GCSAML: variants seen among roughly 807,000 people sequenced by gnomAD.
The protein encoded by GCSAML is germinal center-associated signaling and motility-like protein.
In GCSAML, 9 loss-of-function variants were observed where a neutral mutation model predicts 13.0. That is an observed-to-expected ratio of 0.69 (90% CI 0.42 to 1.21). GCSAML has a LOEUF of 1.21. GCSAML is among the 50% of genes most tolerant of loss of function. GCSAML has a pLI of 0.00. For missense variants in GCSAML, 143 were observed against 153.4 expected (o/e 0.93, Z 0.36); for synonymous variants, 37 against 52.9 (o/e 0.70, Z 1.31).
chr1:247,572,710 C>T (rs760967843), intron 4 of GCSAML, among the ~76,000 whole-genome samples: 5 of 152,234 alleles, frequency 3.3e-5, no homozygotes, highest in Non-Finnish European at 5.9e-5. Flanking sequence ...GGCCATCTTT[C>T]CCTTAGCAGT....
At chr1:247,574,093 T>C in intron 4 of GCSAML, 50 bp from the exon 5 acceptor site, 1 of 1,603,328 alleles carries the variant, frequency 6.2e-7, no homozygotes, top group Non-Finnish European at 8.5e-7. Flanking sequence ...CTGAGTTCAA[T>C]TTATGAATGA....
At chr1:247,569,438 G>T (rs1178347648) in intron 4 of GCSAML, among the ~76,000 whole-genome samples, 2 of 152,066 alleles carry the variant, frequency 1.3e-5, no homozygotes, top group African/African-American at 2.4e-5. Flanking sequence ...TTTATCGAAG[G>T]CCTTTTCTGC....
At chr1:247,563,696 A>G in intron 3 of GCSAML, 57 bp downstream of exon 3, 1 of 956,794 alleles carries the variant, frequency 1.0e-6, no homozygotes, top group Non-Finnish European at 1.7e-6. Flanking sequence ...TTAAGCATCC[A>G]ATTAGCAGAC....
At chr1:247,520,396 T>C (rs1162976722) in intron 1 of GCSAML, among the ~76,000 whole-genome samples, 2 of 152,216 alleles carry the variant, frequency 1.3e-5, no homozygotes, top group Admixed American at 1.3e-4. Flanking sequence ...GGAGGAGTTC[T>C]TACATCTGCT....
At chr1:247,523,941 G>C (rs1036159703) in intron 1 of GCSAML, among the ~76,000 whole-genome samples, 1 of 151,536 alleles carries the variant, frequency 6.6e-6, no homozygotes, top group Admixed American at 6.6e-5. Context: ...AATACAGCTA[G>C]CGAAATAAAT....
chr1:247,573,406 G>A (rs769271700), intron 4 of GCSAML, among the ~76,000 whole-genome samples: 1 of 152,162 alleles, frequency 6.6e-6, no homozygotes, highest in African/African-American at 2.4e-5. Flanking sequence ...TGTCCCTCAA[G>A]GTATGGTCCT....
Position 247,577,456 on chromosome 1 carries a change from C to A in GCSAML, c.*3074C>A, listed in dbSNP as rs367998225. The A allele has an allele frequency of 4.6e-5, 7 of 152,146 alleles. No homozygotes were observed. Among genetic ancestry groups the A allele is most frequent in the Non-Finnish European group, 1.0e-4 (7 of 68,030 alleles). The allele number at this position is 152,146 out of a possible 1,614,324, so 9.4% of individuals were successfully genotyped here. A position where few individuals can be genotyped will look rare whatever the true frequency, so the allele number is the denominator to read the frequency against. On this transcript the variant is annotated 3_prime_UTR_variant, in exon 5 of 5. Transcript: ENST00000366488. ...TGTTCTAGATATTTGTAGCAATGTACCCTTTCCATATTTATTTTGTGTGTG... is the reference window on the plus strand; with the variant it reads ...TGTTCTAGATATTTGTAGCAATGTAACCTTTCCATATTTATTTTGTGTGTG...
intron 1 of GCSAML, among the ~76,000 whole-genome samples, chr1:247,522,850 ACTATTGTC>A (rs1666504256): frequency 6.7e-6 from 1 of 150,178 alleles, no homozygotes; most frequent in African/African-American, 2.5e-5. Context: ...CCTTCCCTCC[ACTATTGTC>A]CTATGACCCT....
chr1:247,556,896 C>T (rs1667973486), intron 2 of GCSAML, among the ~76,000 whole-genome samples: 1 of 152,154 alleles, frequency 6.6e-6, no homozygotes, highest in Non-Finnish European at 1.5e-5. Flanking sequence ...CCAGGGCCTA[C>T]AGTTCCATAA....
In GCSAML at chr1:247,527,952, A is replaced by C. The variant is rs895735517; in HGVS notation, c.-148+898A>C. The C allele has an allele frequency of 1.3e-5, 2 of 151,978 alleles. No homozygotes were observed. The highest frequency in any genetic ancestry group is 4.8e-5 in the African/African-American group (2 of 41,342). 9.4% of individuals were successfully genotyped at this position (151,978 alleles called of 1,614,324 possible). A position where few individuals can be genotyped will look rare whatever the true frequency, so the allele number is the denominator to read the frequency against. On this transcript the variant is annotated intron_variant, in intron 2 of 5. Coordinates refer to the GCSAML transcript ENST00000366489. This position sits in a 1 kb window ranked among gnomAD's most constrained non-coding sequence, Gnocchi z 4.6. ...TGTTCTACTTATTTCTATGAGATCA[A>C]CCCTTTTTTAGCTTTCACAGATGAA...
At position 247,534,188 on chromosome 1, in the gene GCSAML, T is replaced by C. The variant is rs1310099306; in HGVS notation, c.-148+7134T>C. Among the ~76,000 whole-genome samples the C allele has an allele frequency of 2.6e-5, 4 of 152,350 alleles. No individual in the cohort carries two copies. The East Asian group carries it at 7.7e-4, about 29-fold the overall frequency. ...AACAAATAAACTACTCTTATTTCTT[T>C]TGTTTGCTACCCGTCTCGCTCCACT... On this transcript the variant is annotated intron_variant, in intron 2 of 5. Coordinates refer to the GCSAML transcript ENST00000366489.
intron 1 of GCSAML, among the ~76,000 whole-genome samples, chr1:247,523,265 A>G (rs1414258316): frequency 1.3e-5 from 2 of 152,144 alleles, no homozygotes; most frequent in Non-Finnish European, 2.9e-5. Context: ...AAAACTGGAA[A>G]TCTTTCCTGA....
intron 4 of GCSAML, among the ~76,000 whole-genome samples, chr1:247,571,080 G>A (rs886100015): frequency 1.3e-5 from 2 of 151,970 alleles, no homozygotes; most frequent in African/African-American, 2.4e-5. Context: ...CCTTTATTTT[G>A]AGTGTATGTG....
rs763355322 is a variant in GCSAML, at chr1:247,531,548, T to C, written c.-148+4494T>C. On this transcript the variant is annotated intron_variant, in intron 2 of 5. Transcript: ENST00000366489. ...TTCCTTCTCAGAAGGCACTGGAGTC[T>C]CTAAATTTGCGCCAGCTTGCCTGCA... is the stretch of plus-strand genomic sequence containing the variant. 15 of 1,612,674 alleles carry C rather than the reference T, an allele frequency of 9.3e-6. No individual in the cohort carries two copies. The Admixed American group carries it at 2.0e-4, about 22-fold the overall frequency.
chr1:247,510,452 C>T (rs1266604181), intron 1 of GCSAML, among the ~76,000 whole-genome samples: 1 of 152,068 alleles, frequency 6.6e-6, no homozygotes, highest in African/African-American at 2.4e-5. Context: ...TTTTCAAAAA[C>T]CAGCTCCTGG....
chr1:247,531,736 A>G lies in GCSAML; in HGVS notation c.-148+4682A>G, dbSNP rs770566998. 1.4e-5 allele frequency: 22 copies of G among 1,614,212 alleles called. No individual in the cohort carries two copies. Among genetic ancestry groups the G allele is most frequent in the Middle Eastern group, 1.6e-4 (1 of 6,062 alleles). On this transcript the variant is annotated intron_variant, in intron 2 of 5. Coordinates refer to the GCSAML transcript ENST00000366489. ...GGTGCTCTTGGCTGGCTGGAGATAC[A>G]TGAAGATGATGCTCCCGTAAAACAG...
chr1:247,508,726 T>C (rs1440795197), intron 1 of GCSAML, among the ~76,000 whole-genome samples: 1 of 152,232 alleles, frequency 6.6e-6, no homozygotes, highest in East Asian at 1.9e-4. Context: ...GTTTTCTGCA[T>C]GTGGCTAGCC....
In GCSAML at chr1:247,532,507, A is replaced by G; in HGVS notation, c.-148+5453A>G. The G allele has an allele frequency of 5.0e-6, 8 of 1,612,950 alleles. No individual in the cohort carries two copies. In the South Asian group the frequency reaches 8.8e-5, roughly 18 times the overall value. On this transcript the variant is annotated intron_variant, in intron 2 of 5. Coordinates refer to the GCSAML transcript ENST00000366489. ...TGGAGAACTCACATTGGCTATTTCC[A>G]TCATTGTATGCTGGGGGTGGGGCAA... is the stretch of plus-strand genomic sequence containing the variant.
chr1:247,561,717 T>C (rs1299720542), intron 2 of GCSAML, among the ~76,000 whole-genome samples: 1 of 152,176 alleles, frequency 6.6e-6, no homozygotes, highest in African/African-American at 2.4e-5. Context: ...GCTTCTTTTG[T>C]TTTGCTTTTG....
Sources: gnomAD v4.1 joint callset for allele counts (sites outside exome capture counted in the v4.1 genomes callset) on GRCh38, gnomAD v4.1.1 for gene constraint, Gnocchi (gnomAD v3.1) non-coding constraint, MANE v1.5 for transcripts, NCBI Gene and HGNC (gene_info 2026-07-23, HGNC 2026-07-21) for gene names.